The following LRRTM4 variants were observed in gnomAD, a reference collection of about 807,000 sequenced individuals.
The protein encoded by LRRTM4 is leucine rich repeat transmembrane neuronal 4.
LRRTM4 carries 25 observed loss-of-function variants against 47.6 expected under a neutral mutation model. The observed-to-expected ratio is 0.53, with a 90% CI of 0.38 to 0.73. The LOEUF (loss-of-function observed/expected upper bound fraction) is 0.73, where lower values mean the gene tolerates loss of function less well. Ranked by LOEUF, LRRTM4 falls within the 30% of genes least tolerant of loss-of-function variation. The pLI is 0.00. For missense variants in LRRTM4, 638 were observed against 713.4 expected, an observed-to-expected ratio of 0.89 and a Z score of 1.20; for synonymous variants, 311 against 269.5, an observed-to-expected ratio of 1.15 and a Z score of -1.51.
At chr2:76,781,506 G>A (rs375116574) in intron 3 of LRRTM4, among the ~76,000 whole-genome samples, 2 of 152,228 alleles carry the variant, frequency 1.3e-5, no homozygotes, top group Non-Finnish European at 2.9e-5. Context: ...GGGTGGGAGT[G>A]ACCCGATTTT....
chr2:77,452,283 G>A (rs1170979636), intron 3 of LRRTM4, among the ~76,000 whole-genome samples: 2 of 152,186 alleles, frequency 1.3e-5, no homozygotes, highest in African/African-American at 2.4e-5. Context: ...CAGCCAGATA[G>A]GTTTGAAGAA....
chr2:77,072,781 A>T (rs1377995796), intron 3 of LRRTM4, among the ~76,000 whole-genome samples: 6 of 126,450 alleles, frequency 4.7e-5, no homozygotes, highest in Admixed American at 1.9e-4. Context: ...CCTGGGCGAC[A>T]GAGTGAGACT....
chr2:77,107,372 G>C (rs1349386565), intron 3 of LRRTM4, among the ~76,000 whole-genome samples: 1 of 152,106 alleles, frequency 6.6e-6, no homozygotes, highest in East Asian at 1.9e-4. Context: ...GAACGTCAGA[G>C]AATCTTTTAT....
At chr2:77,315,513 T>TA (rs1159034582) in intron 3 of LRRTM4, among the ~76,000 whole-genome samples, 1 of 152,214 alleles carries the variant, frequency 6.6e-6, no homozygotes, top group Non-Finnish European at 1.5e-5. Flanking sequence ...ATACAGCTTT[T>TA]AAAAATTATT....
chr2:77,457,925 G>C lies in LRRTM4; in HGVS notation c.1551+60393C>G, dbSNP rs57223543. 7.6e-3 allele frequency among the ~76,000 whole-genome samples: 1,152 copies of C among 152,258 alleles called. 10 individuals are homozygous for C. Among genetic ancestry groups the C allele is most frequent in the African/African-American group, 0.026 (1,097 of 41,558 alleles). ...TGCTGCCACAGTTTTATTTTAGAGA[G>C]TTCACTCTGGCTTCAGTGCAGACAA... On this transcript the variant is annotated intron_variant, in intron 3 of 3. Transcript: ENST00000409884.
intron 3 of LRRTM4, among the ~76,000 whole-genome samples, chr2:77,097,035 A>T (rs1040261863): frequency 6.6e-6 from 1 of 151,914 alleles, no homozygotes; most frequent in Non-Finnish European, 1.5e-5. Context: ...TTTGAAAGCA[A>T]AGGAAAAATA....
chr2:77,030,014 A>T (rs766710400), intron 3 of LRRTM4, among the ~76,000 whole-genome samples: 10 of 152,264 alleles, frequency 6.6e-5, no homozygotes, highest in Non-Finnish European at 1.3e-4. Flanking sequence ...TGGAATGTGC[A>T]AAACACAATT....
chr2:77,029,083 T>TATATATATATATATATAATATATATATTA (rs1491534209), intron 3 of LRRTM4, among the ~76,000 whole-genome samples: 1 of 145,560 alleles, frequency 6.9e-6, no homozygotes, highest in African/African-American at 2.5e-5. Context: ...TATATATATA[T>TATATATATATATATATAATATATATATTA]TATATATATA....
At chr2:77,496,087 T>A (rs558107058) in intron 3 of LRRTM4, among the ~76,000 whole-genome samples, 1 of 152,046 alleles carries the variant, frequency 6.6e-6, no homozygotes, top group East Asian at 1.9e-4. Flanking sequence ...TTCTGTCAGA[T>A]TTATCCCTAA....
chr2:77,236,669 T>C (rs1324470495), intron 3 of LRRTM4, among the ~76,000 whole-genome samples: 1 of 152,166 alleles, frequency 6.6e-6, no homozygotes, highest in African/African-American at 2.4e-5. Context: ...TTGTCATAGA[T>C]GGCTCTTATT....
intron 3 of LRRTM4, among the ~76,000 whole-genome samples, chr2:77,149,252 T>C (rs925334160): frequency 6.6e-6 from 1 of 152,144 alleles, no homozygotes; most frequent in African/African-American, 2.4e-5. Context: ...ACCAATTGCA[T>C]ACTAAAATAC....
chr2:77,229,688 C>T (rs893183929), intron 3 of LRRTM4, among the ~76,000 whole-genome samples: 7 of 152,162 alleles, frequency 4.6e-5, no homozygotes, highest in Non-Finnish European at 2.9e-5. Flanking sequence ...CAGTCTATGG[C>T]ATCATCATCT....
At chr2:77,005,847 T>C (rs1677623142) in intron 3 of LRRTM4, among the ~76,000 whole-genome samples, 2 of 152,310 alleles carry the variant, frequency 1.3e-5, no homozygotes, top group African/African-American at 2.4e-5. Flanking sequence ...AACAGACTAA[T>C]ACAGAAGTAT....
At chr2:77,467,557 G>T (rs1260348789) in intron 3 of LRRTM4, among the ~76,000 whole-genome samples, 1 of 152,072 alleles carries the variant, frequency 6.6e-6, no homozygotes, top group Admixed American at 6.6e-5. Context: ...TTGAACACTT[G>T]CATGCTTAAC....
intron 3 of LRRTM4, among the ~76,000 whole-genome samples, chr2:77,301,811 G>C (rs776075734): frequency 1.3e-5 from 2 of 152,010 alleles, no homozygotes; most frequent in Non-Finnish European, 2.9e-5. Flanking sequence ...AGTGGGCTGT[G>C]GAGAGATTTC....
chr2:77,419,403 C>T (rs747316612), intron 3 of LRRTM4, among the ~76,000 whole-genome samples: 4 of 152,106 alleles, frequency 2.6e-5, no homozygotes, highest in Non-Finnish European at 5.9e-5. Flanking sequence ...GTTCAAGTCC[C>T]TTATACAAAA....
intron 3 of LRRTM4, among the ~76,000 whole-genome samples, chr2:77,344,195 AT>A (rs1573285684): frequency 6.6e-6 from 1 of 152,004 alleles, no homozygotes; most frequent in South Asian, 2.1e-4. Context: ...AACATGAAAA[AT>A]AACAATGAAA....
chr2:76,976,798 G>A (rs940422856), intron 3 of LRRTM4, among the ~76,000 whole-genome samples: 2 of 151,938 alleles, frequency 1.3e-5, no homozygotes, highest in East Asian at 1.9e-4. Flanking sequence ...ACGGTTAACA[G>A]TAATTTGGTG....
chr2:77,362,034 A>C (rs533705012), intron 3 of LRRTM4, among the ~76,000 whole-genome samples: 1 of 152,026 alleles, frequency 6.6e-6, no homozygotes, highest in Admixed American at 6.6e-5. Flanking sequence ...AGCTGCAGTG[A>C]ACCAACATCA....
Sources: gnomAD v4.1 joint callset for allele counts (sites outside exome capture counted in the v4.1 genomes callset) on GRCh38, gnomAD v4.1.1 for gene constraint, MANE v1.5 for transcripts, NCBI Gene and HGNC (gene_info 2026-07-23, HGNC 2026-07-21) for gene names.